PDPK1: variants seen among roughly 807,000 people sequenced by gnomAD.
PDPK1 encodes the protein 3-phosphoinositide dependent protein kinase 1, also known as 3-phosphoinositide-dependent protein kinase 1.
In PDPK1, 7 loss-of-function variants were observed where a neutral mutation model predicts 39.8. The observed-to-expected ratio is 0.18, with a 90% CI of 0.10 to 0.33. PDPK1 has a LOEUF of 0.33. PDPK1 is among the 10% of genes least tolerant of loss of function. PDPK1 has a pLI of 1.00. For missense variants in PDPK1, 182 were observed against 384.7 expected (o/e 0.47, Z 4.41); for synonymous variants, 118 against 159.1 (o/e 0.74, Z 1.95).
chr16:2,552,485 G>C (rs2066433905), intron 1 of PDPK1, among the ~76,000 whole-genome samples: 1 of 151,444 alleles, frequency 6.6e-6, no homozygotes, highest in African/African-American at 2.4e-5. Context: ...TCGGGCTGGG[G>C]CTGGCTGAAA....
Position 2,598,278 on chromosome 16 carries a change from C to T in PDPK1, c.*511C>T, listed in dbSNP as rs904342906. 3.0e-5 allele frequency: 7 copies of T among 229,556 alleles called. No individual in the cohort carries two copies. Among genetic ancestry groups the T allele is most frequent in the Admixed American group, 1.7e-4 (3 of 17,522 alleles). 14.2% of individuals were successfully genotyped at this position (229,556 alleles called of 1,614,324 possible). A position where few individuals can be genotyped will look rare whatever the true frequency, so the allele number is the denominator to read the frequency against. ...GCCGCAGCTTTGTGGAGGGAGCCGC[C>T]GTGCTTCTGTCACCTGCTCCCTTTC... On this transcript the variant is annotated 3_prime_UTR_variant, in exon 14 of 14. Coordinates refer to ENST00000342085, the MANE Select transcript of PDPK1 (RefSeq NM_002613.5).
rs71386677 is a variant in PDPK1 at position 2,598,650 on chromosome 16, G to T, written c.*883G>T. The T allele has an allele frequency of 0.043, 10,067 of 233,416 alleles. 284 individuals carry two copies. The highest frequency in any genetic ancestry group is 0.086 in the Middle Eastern group (68 of 788). The allele number at this position is 233,416 out of a possible 1,614,324, so 14.5% of individuals were successfully genotyped here. The stretch of plus-strand genomic sequence containing the variant: ...TGGGGCCAGGAGGTGCCTTGGAGAA[G>T]CCAGCCAGAGCAGAGAGGGCTGCTG... On this transcript the variant is annotated 3_prime_UTR_variant, in exon 14 of 14. Transcript: ENST00000342085.
intron 11 of PDPK1, among the ~76,000 whole-genome samples, chr16:2,589,207 C>T (rs1476931141): frequency 2.0e-5 from 3 of 152,178 alleles, no homozygotes; most frequent in Admixed American, 6.5e-5. Context: ...CTGCCCACCT[C>T]GGCTTCTCAA....
intron 1 of PDPK1, among the ~76,000 whole-genome samples, chr16:2,546,485 C>CT (rs2066349861): frequency 6.6e-6 from 1 of 152,196 alleles, no homozygotes; most frequent in Admixed American, 6.5e-5. Flanking sequence ...AGGCTCCTGC[C>CT]ACCATGCTGG....
chr16:2,590,230 C>G (rs1240500660), intron 11 of PDPK1, among the ~76,000 whole-genome samples: 2 of 152,146 alleles, frequency 1.3e-5, no homozygotes, highest in African/African-American at 2.4e-5. Flanking sequence ...AAGCAGTTCT[C>G]CTGCCTCAGC....
chr16:2,558,492 A>AG (rs1275849484), intron 2 of PDPK1, among the ~76,000 whole-genome samples: 2 of 150,694 alleles, frequency 1.3e-5, no homozygotes, highest in Non-Finnish European at 2.9e-5. Context: ...TTTCACAAAC[A>AG]GGAGTATTGT....
At chr16:2,596,969 G>A (rs1201515772) in intron 12 of PDPK1, among the ~76,000 whole-genome samples, 154 bp from the exon 13 acceptor site, 1 of 152,164 alleles carries the variant, frequency 6.6e-6, no homozygotes, top group Non-Finnish European at 1.5e-5. Flanking sequence ...TGGGCCTGGT[G>A]GGGCAGGAAG....
chr16:2,589,588 T>C (rs2066946520), intron 11 of PDPK1, among the ~76,000 whole-genome samples: 1 of 151,142 alleles, frequency 6.6e-6, no homozygotes, highest in Non-Finnish European at 1.5e-5. Flanking sequence ...CTTGGGGAGG[T>C]TGAGGTAGGA....
At chr16:2,546,495 G>A (rs1246337313) in intron 1 of PDPK1, among the ~76,000 whole-genome samples, 3 of 152,088 alleles carry the variant, frequency 2.0e-5, no homozygotes, top group African/African-American at 7.2e-5. Context: ...CACCATGCTG[G>A]GCTAATTTGT....
Position 2,600,258 on chromosome 16 carries a change from G to A in PDPK1, c.*2491G>A. ...CAGTTGTGGGTTTATCCAAGATGAG[G>A]AAGATTTCACCTGCTGTTTAATAGA... On this transcript the variant is annotated 3_prime_UTR_variant, in exon 14 of 14. Coordinates refer to ENST00000342085, the MANE Select transcript of PDPK1 (RefSeq NM_002613.5). The A allele has an allele frequency of 4.3e-6, 1 of 231,860 alleles. No individual in the cohort carries two copies. The highest frequency in any genetic ancestry group is 8.5e-6 in the Non-Finnish European group (1 of 118,184). The allele number at this position is 231,860 out of a possible 1,614,324, so 14.4% of individuals were successfully genotyped here.
chr16:2,595,814 T>C lies in PDPK1; in HGVS notation c.1365T>C (p.Asn455=). The change falls in exon 12 of 14, where the codon AAT becomes AAC. Residue 455 remains asparagine, a synonymous_variant. Transcript: ENST00000342085. The part of the protein sequence containing the change: ...GNPWHQFVEN[N]LILKMGPVDK... Reference sequence around the variant, plus strand: ...ACAGGCACCAGTTTGTAGAAAATAATTTAATACTAAAGATGGGCCCAGTGG... The same window carrying C: ...ACAGGCACCAGTTTGTAGAAAATAACTTAATACTAAAGATGGGCCCAGTGG... 6.2e-7 allele frequency: 1 copy of C among 1,613,642 alleles called. No individual in the cohort carries two copies. Among genetic ancestry groups the C allele is most frequent in the Non-Finnish European group, 8.5e-7 (1 of 1,179,516 alleles).
chr16:2,538,829 G>A (rs2066187641), intron 1 of PDPK1: 1 of 1,163,796 alleles, frequency 8.6e-7, no homozygotes, highest in Non-Finnish European at 1.1e-6. Flanking sequence ...GAAATGTTTT[G>A]CTAAAAGTGT....
Position 2,542,270 on chromosome 16 carries a change from G to A in PDPK1, c.24+4134G>A, listed in dbSNP as rs909255654. Among the ~76,000 whole-genome samples the A allele has an allele frequency of 6.6e-5, 10 of 152,188 alleles. No individual in the cohort carries two copies. The South Asian group carries it at 1.7e-3, about 25-fold the overall frequency. On this transcript the variant is annotated intron_variant, in intron 1 of 13. Transcript: ENST00000342085. ...CGCCTCATGGGTTCAAGTGATTCTC[G>A]TGCCTCAGGCTCCCAAGTAGCTGGG...
intron 10 of PDPK1, among the ~76,000 whole-genome samples, chr16:2,585,641 G>A (rs982230059): frequency 4.6e-5 from 7 of 152,176 alleles, no homozygotes; most frequent in African/African-American, 7.2e-5. Flanking sequence ...CCCACACCCC[G>A]TGGAGGGGTC....
intron 1 of PDPK1, among the ~76,000 whole-genome samples, chr16:2,546,323 C>CT (rs2066345599): frequency 6.7e-6 from 1 of 149,388 alleles, no homozygotes; most frequent in East Asian, 2.0e-4. Context: ...ACCTCGTGAT[C>CT]TACCCACCTC....
intron 11 of PDPK1, among the ~76,000 whole-genome samples, chr16:2,591,043 A>G (rs2066980158): frequency 2.0e-5 from 3 of 150,964 alleles, no homozygotes; most frequent in Admixed American, 1.3e-4. Flanking sequence ...GCTCACTGCA[A>G]CCTCCGCCTC....
At chr16:2,585,365 G>A (rs1159021946) in intron 10 of PDPK1, among the ~76,000 whole-genome samples, 2 of 152,220 alleles carry the variant, frequency 1.3e-5, no homozygotes, top group African/African-American at 4.8e-5. Context: ...CTCACACGGG[G>A]ACAGTGAGTG....
At position 2,597,806 on chromosome 16, in the gene PDPK1, C is replaced by T; in HGVS notation, c.*39C>T. On this transcript the variant is annotated 3_prime_UTR_variant, in exon 14 of 14. Coordinates refer to ENST00000342085, the MANE Select transcript of PDPK1 (RefSeq NM_002613.5). The surrounding 1 kb of genome is among the most constrained non-coding windows in gnomAD (Gnocchi z 6.3). ...CGGGCTGCCCTTCGCTGCCAGGACA[C>T]CTGCCCCAGCGCGGCTTGGCCGCCA... 2 of 1,415,042 alleles carry T rather than the reference C, an allele frequency of 1.4e-6. No homozygotes were observed. The highest frequency in any genetic ancestry group is 2.0e-6 in the Non-Finnish European group (2 of 1,003,364). 87.7% of individuals were successfully genotyped at this position (1,415,042 alleles called of 1,614,324 possible).
At chr16:2,558,382 T>G (rs889518352) in intron 2 of PDPK1, among the ~76,000 whole-genome samples, 3 of 150,018 alleles carry the variant, frequency 2.0e-5, no homozygotes, top group African/African-American at 7.5e-5. Flanking sequence ...GGACATTTAT[T>G]GACCTCTTCT....
Sources: allele counts gnomAD v4.1 joint callset (sites outside exome capture counted in the v4.1 genomes callset), GRCh38; gene constraint gnomAD v4.1.1; non-coding constraint Gnocchi (gnomAD v3.1); transcripts MANE v1.5; gene names NCBI Gene and HGNC (gene_info 2026-07-23, HGNC 2026-07-21).